MYRF: variants seen among roughly 807,000 people sequenced by gnomAD.
The protein encoded by MYRF is myelin regulatory factor, also known as myelin gene regulatory factor.
MYRF carries 16 observed loss-of-function variants against 126.3 expected under a neutral mutation model. That is an observed-to-expected ratio of 0.13 (90% confidence interval 0.09 to 0.19). The LOEUF (loss-of-function observed/expected upper bound fraction) is 0.19. Among genes scored for constraint, MYRF ranks in the 10% least tolerant of loss-of-function variants. MYRF has a pLI of 1.00. For missense variants in MYRF, 1,104 were observed against 1,547.0 expected (o/e 0.71, Z 4.80); for synonymous variants, 608 against 635.3 (o/e 0.96, Z 0.65).
intron 1 of MYRF, among the ~76,000 whole-genome samples, chr11:61,759,399 G>C (rs2065845772): frequency 6.6e-6 from 1 of 152,256 alleles, no homozygotes; most frequent in African/African-American, 2.4e-5. Context: ...GGCTGGGCCA[G>C]TGGCTCATGC....
In MYRF at chr11:61,766,077, G is replaced by T. The variant is rs745650175; in HGVS notation, c.254G>T (p.Gly85Val). Residue 85 changes from glycine to valine, a missense_variant, in exon 3 of 27, where the codon GGG becomes GTG. Gly to Val is a moderately radical substitution (Grantham distance 109). Coordinates refer to ENST00000278836, the MANE Select transcript of MYRF (RefSeq NM_001127392.3). ...LSPPGGGPSP[G>V]RHGPLPPPGY... ...CCCCCTGGGGGTGGACCCTCCCCGG[G>T]GCGCCATGGTCCCCTCCCACCCCCG... is the stretch of plus-strand genomic sequence containing the variant. The T allele has an allele frequency of 4.4e-6, 7 of 1,605,910 alleles. No homozygotes were observed. The South Asian group carries it at 7.7e-5, about 18-fold the overall frequency.
Position 61,776,260 on chromosome 11 carries a change from C to G in MYRF, c.1389-62C>G. On this transcript the variant is annotated intron_variant, in intron 9 of 26. Transcript: ENST00000278836. This position sits in a 1 kb window ranked among gnomAD's most constrained non-coding sequence, Gnocchi z 4.3. ...GTACGTTGCTGGCCTGGGTGCCCCTCAGTGGCGTGGCTCTTGCAGCCTCCC... is the reference window on the plus strand; with the variant it reads ...GTACGTTGCTGGCCTGGGTGCCCCTGAGTGGCGTGGCTCTTGCAGCCTCCC... The G allele has an allele frequency of 1.3e-6, 2 of 1,568,030 alleles. No homozygotes were observed. The highest frequency in any genetic ancestry group is 2.3e-5 in the East Asian group (1 of 43,540).
Position 61,771,619 on chromosome 11 carries a change from T to C in MYRF, c.860T>C (p.Leu287Pro), listed in dbSNP as rs774524859. ...CCTGGGACCGTGACAGCCCTGCCTC[T>C]GCACCCCACTCGAGCCCCATCGCCA... is the stretch of plus-strand genomic sequence containing the variant. Reference protein sequence around the residue: ...QEPGTVTALPLHPTRAPSPPW... With the variant: ...QEPGTVTALPPHPTRAPSPPW... The change falls in exon 6 of 27, where the codon CTG (leucine) becomes CCG (proline). Residue 287 changes from leucine (L) to proline (P), a missense_variant. Around this residue, in one of 10 missense-constraint regions of MYRF, gnomAD observed 368 missense variants for 403.9 expected, o/e 0.91. Coordinates refer to ENST00000278836, the MANE Select transcript of MYRF (RefSeq NM_001127392.3). 6.2e-7 allele frequency: 1 copy of C among 1,613,956 alleles called. No individual in the cohort carries two copies. Among genetic ancestry groups the C allele is most frequent in the South Asian group, 1.1e-5 (1 of 91,086 alleles).
At position 61,784,294 on chromosome 11, in the gene MYRF, T is replaced by C. The variant is rs1354466126; in HGVS notation, c.3209T>C (p.Val1070Ala). The change falls in exon 25 of 27, where the codon GTG (valine) becomes GCG (alanine). Residue 1070 changes from valine (V) to alanine (A), a missense_variant. Physicochemically the swap from Val to Ala is moderately conservative, Grantham distance 64 (BLOSUM62 0). Coordinates refer to ENST00000278836, the MANE Select transcript of MYRF (RefSeq NM_001127392.3). Reference sequence around the variant, plus strand: ...CCTGTCTACAGCTCCTCCTCCCCCGTGTCTGTGGTGCTGTGCAGCCTGAGG... The same window carrying C: ...CCTGTCTACAGCTCCTCCTCCCCCGCGTCTGTGGTGCTGTGCAGCCTGAGG... ...LTLQMNSSSP[V>A]SVVLCSLRSK... 6.2e-7 allele frequency: 1 copy of C among 1,613,922 alleles called. No homozygotes were observed. The highest frequency in any genetic ancestry group is 8.5e-7 in the Non-Finnish European group (1 of 1,179,958).
intron 8 of MYRF, 148 bp from the exon 9 acceptor site, chr11:61,775,908 T>C (rs1037774345): frequency 2.8e-6 from 2 of 704,916 alleles, no homozygotes; most frequent in African/African-American, 1.8e-5. Context: ...AGAAGGCATC[T>C]GAGCTTGTGG....
chr11:61,784,229 G>A (rs1453232576), intron 24 of MYRF, 51 bp from the exon 25 acceptor site: 7 of 1,546,744 alleles, frequency 4.5e-6, no homozygotes, highest in East Asian at 2.3e-5. Context: ...AGGGGGCTGG[G>A]GTTGAGGGAC....
In MYRF at chr11:61,776,225, TC is replaced by T. The variant is rs973204083; in HGVS notation, c.1388+95del. The T allele has an allele frequency of 1.3e-6, 2 of 1,570,158 alleles. No individual in the cohort carries two copies. Among genetic ancestry groups the T allele is most frequent in the African/African-American group, 2.7e-5 (2 of 73,870 alleles). ...AGGGGCCAGGGAGGTACCCAGGGTG[TC>T]CGCCTCATGTACGTTGCTGGCCTGG... is the stretch of plus-strand genomic sequence containing the variant. On this transcript the variant is annotated intron_variant, in intron 9 of 26. Transcript: ENST00000278836. The surrounding 1 kb of genome is among the most constrained non-coding windows in gnomAD (Gnocchi z 4.3).
At position 61,757,402 on chromosome 11, in the gene MYRF, G is replaced by C; in HGVS notation, c.46+4612G>C. Reference sequence around the variant, plus strand: ...GTGCAGTTGTAATGGCAGGGCCTCCGTCCCAGGGTTTCTGGGGTGATTAGG... The same window carrying C: ...GTGCAGTTGTAATGGCAGGGCCTCCCTCCCAGGGTTTCTGGGGTGATTAGG... On this transcript the variant is annotated intron_variant, in intron 1 of 26. Coordinates refer to ENST00000278836, the MANE Select transcript of MYRF (RefSeq NM_001127392.3). The surrounding 1 kb of genome is among the most constrained non-coding windows in gnomAD (Gnocchi z 4.7). 1 of 451,948 alleles carries C rather than the reference G, an allele frequency of 2.2e-6. No homozygotes were observed. The highest frequency in any genetic ancestry group is 4.5e-6 in the Non-Finnish European group (1 of 223,448). 28.0% of individuals were successfully genotyped at this position (451,948 alleles called of 1,614,324 possible).
chr11:61,784,400 G>T lies in MYRF; in HGVS notation c.3300+15G>T. 4 of 1,606,646 alleles carry T rather than the reference G, an allele frequency of 2.5e-6. No homozygotes were observed. Among genetic ancestry groups the T allele is most frequent in the Non-Finnish European group, 3.4e-6 (4 of 1,175,084 alleles). On this transcript the variant is annotated intron_variant, in intron 25 of 26. Transcript: ENST00000278836. Reference sequence around the variant, plus strand: ...AGGACACCCAGGTAGGTGGGACTGGGAAGCTGCGGGCCGGCCAGGCCCGAG... The same window carrying T: ...AGGACACCCAGGTAGGTGGGACTGGTAAGCTGCGGGCCGGCCAGGCCCGAG...
intron 7 of MYRF, among the ~76,000 whole-genome samples, chr11:61,773,664 A>G (rs2066287623): frequency 6.6e-6 from 1 of 152,140 alleles, no homozygotes; most frequent in Admixed American, 6.5e-5. Flanking sequence ...TCCCCCACTC[A>G]GGAGTTCCCT....
chr11:61,755,482 G>C, intron 1 of MYRF: 1 of 1,605,096 alleles, frequency 6.2e-7, no homozygotes, highest in Non-Finnish European at 8.5e-7. Context: ...GGACTCCAGA[G>C]CCAGGGCAGG....
At position 61,770,305 on chromosome 11, in the gene MYRF, C is replaced by T. The variant is rs903198733; in HGVS notation, c.520C>T (p.Arg174Cys). The T allele has an allele frequency of 2.4e-5, 38 of 1,603,822 alleles. No homozygotes were observed. The highest frequency in any genetic ancestry group is 8.9e-5 in the South Asian group (8 of 89,718). ...ACTGTGCCACGTGGGAGTGCCCTCC[C>T]GCCTGGAGCATCCGCCCCCACCTCC... is the stretch of plus-strand genomic sequence containing the variant. ...ETLCHVGVPS[R>C]LEHPPPPPAH... is the part of the protein sequence containing the mutation. Residue 174 changes from arginine (R) to cysteine (C), a missense_variant, in exon 5 of 27, where the codon CGC becomes TGC. Coordinates refer to ENST00000278836, the MANE Select transcript of MYRF (RefSeq NM_001127392.3).
intron 1 of MYRF, among the ~76,000 whole-genome samples, chr11:61,754,694 G>C (rs1002355991): frequency 7.2e-5 from 11 of 152,178 alleles, no homozygotes; most frequent in African/African-American, 2.4e-4. Flanking sequence ...GCGGCCTGGC[G>C]GGGGGAGGCT....
At chr11:61,755,278 C>A in intron 1 of MYRF, 3 of 1,257,750 alleles carry the variant, frequency 2.4e-6, no homozygotes, top group Non-Finnish European at 2.2e-6. Context: ...GCGCTTTGGA[C>A]CTCAGGTGGG....
At chr11:61,785,897 C>T (rs1268833413) in intron 26 of MYRF, 23 bp downstream of exon 26, 1 of 1,611,658 alleles carries the variant, frequency 6.2e-7, no homozygotes, top group Non-Finnish European at 8.5e-7. Context: ...ATCCCACCTA[C>T]CCTGGAGGTC....
At position 61,773,952 on chromosome 11, in the gene MYRF, C is replaced by T. The variant is rs780707901; in HGVS notation, c.1116-15C>T. ...CTCTGGGGCCTCAGGGGAGTGCCCTCACCCGCCCCCCCAGGCCCATGCTCA... is the reference window on the plus strand; with the variant it reads ...CTCTGGGGCCTCAGGGGAGTGCCCTTACCCGCCCCCCCAGGCCCATGCTCA... On this transcript the variant is annotated splice_polypyrimidine_tract_variant and intron_variant, in intron 7 of 26. Coordinates refer to ENST00000278836, the MANE Select transcript of MYRF (RefSeq NM_001127392.3). 24 of 1,596,814 alleles carry T rather than the reference C, an allele frequency of 1.5e-5. No individual in the cohort carries two copies. The highest frequency in any genetic ancestry group is 1.9e-5 in the Non-Finnish European group (22 of 1,171,122).
Position 61,778,436 on chromosome 11 carries a change from G to A in MYRF, c.1960G>A (p.Asp654Asn). Residue 654 changes from aspartate (D) to asparagine (N), a missense_variant, in exon 14 of 27, where the codon GAC (aspartate) becomes AAC (asparagine). By Grantham distance (23) the Asp-to-Asn change is conservative (BLOSUM62 1). Around this residue, in one of 10 missense-constraint regions of MYRF, gnomAD observed 123 missense variants for 209.1 expected, o/e 0.59. Transcript: ENST00000278836. The surrounding 1 kb of genome is among the most constrained non-coding windows in gnomAD (Gnocchi z 4.6). ...GCCTGAGGCTGTGAAAGACACCGGA[G>A]ACATGGTCTTTGCCAATGGGAAAAC... is the stretch of plus-strand genomic sequence containing the variant. Reference protein sequence around the residue: ...ILPEAVKDTGDMVFANGKTIE... With the variant: ...ILPEAVKDTGNMVFANGKTIE... 6.2e-7 allele frequency: 1 copy of A among 1,614,164 alleles called. No individual in the cohort carries two copies. Among genetic ancestry groups the A allele is most frequent in the South Asian group, 1.1e-5 (1 of 91,082 alleles).
rs2066435805 is a variant in MYRF, at chr11:61,778,089, G to A, written c.1903+244G>A. 6.6e-6 allele frequency among the ~76,000 whole-genome samples: 1 copy of A among 152,100 alleles called. No homozygotes were observed. Among genetic ancestry groups the A allele is most frequent in the South Asian group, 2.1e-4 (1 of 4,834 alleles). On this transcript the variant is annotated intron_variant, in intron 13 of 26. Coordinates refer to ENST00000278836, the MANE Select transcript of MYRF (RefSeq NM_001127392.3). The surrounding 1 kb of genome is among the most constrained non-coding windows in gnomAD (Gnocchi z 4.6). ...CACGGCCCAGGGACCCTCGCCCTTCGCGCTAGATGAATCCTACCTTTAACC... is the reference window on the plus strand; with the variant it reads ...CACGGCCCAGGGACCCTCGCCCTTCACGCTAGATGAATCCTACCTTTAACC...
rs140362956 is a variant in MYRF at position 61,761,479 on chromosome 11, G to A, written c.47-4146G>A. 9.1e-3 allele frequency among the ~76,000 whole-genome samples: 1,379 copies of A among 152,292 alleles called. 18 individuals are homozygous for A. Among genetic ancestry groups the A allele is most frequent in the African/African-American group, 0.031 (1,299 of 41,546 alleles). ...TCTGGATCGCAGCCTGCCTGGGAAG[G>A]GGCAGTGTCTGGTTCCTGTTCCAGG... On this transcript the variant is annotated intron_variant, in intron 1 of 26. Coordinates refer to ENST00000278836, the MANE Select transcript of MYRF (RefSeq NM_001127392.3).
Sources: gnomAD v4.1 joint callset for allele counts (sites outside exome capture counted in the v4.1 genomes callset) on GRCh38, gnomAD v4.1.1 for gene constraint, gnomAD v4.1.1 regional missense constraint, Gnocchi (gnomAD v3.1) non-coding constraint, MANE v1.5 for transcripts, NCBI Gene and HGNC (gene_info 2026-07-23, HGNC 2026-07-21) for gene names.